Variants in MYO1B observed in about 807,000 individuals in gnomAD.
The protein encoded by MYO1B is myosin IB, also known as unconventional myosin-Ib.
A neutral mutation model predicts 159.7 loss-of-function variants in MYO1B; 72 were observed. That is an observed-to-expected ratio of 0.45 (90% CI 0.37 to 0.55). MYO1B has a LOEUF of 0.55. Among genes scored for constraint, MYO1B ranks in the 20% least tolerant of loss-of-function variants. The pLI, the probability that MYO1B is intolerant of heterozygous loss-of-function variation, is 0.00. For missense variants in MYO1B, 1,062 were observed against 1,364.8 expected, an observed-to-expected ratio of 0.78 and a Z score of 3.50; for synonymous variants, 468 against 473.8, an observed-to-expected ratio of 0.99 and a Z score of 0.16.
At chr2:191,391,194 C>T (rs1479218011) in intron 18 of MYO1B, among the ~76,000 whole-genome samples, 1 of 152,228 alleles carries the variant, frequency 6.6e-6, no homozygotes, top group Non-Finnish European at 1.5e-5. Flanking sequence ...GGCTGCTCCT[C>T]TGCAGGCTGA....
chr2:191,350,694 C>T (rs1692854892), intron 7 of MYO1B, among the ~76,000 whole-genome samples: 1 of 151,834 alleles, frequency 6.6e-6, no homozygotes, highest in South Asian at 2.1e-4. Flanking sequence ...TGCTTCTCTT[C>T]CAGTGTATTT....
At chr2:191,254,727 A>G (rs993715812) in intron 1 of MYO1B, among the ~76,000 whole-genome samples, 3 of 152,034 alleles carry the variant, frequency 2.0e-5, no homozygotes, top group African/African-American at 7.3e-5. Flanking sequence ...CCTGGCCTCA[A>G]TCAGTTCTCC....
chr2:191,344,227 A>G (rs769961146), intron 5 of MYO1B, among the ~76,000 whole-genome samples: 21 of 152,214 alleles, frequency 1.4e-4, no homozygotes, highest in Non-Finnish European at 2.6e-4. Flanking sequence ...AAGAAATGTC[A>G]TCGTCTTCAT....
intron 4 of MYO1B, among the ~76,000 whole-genome samples, chr2:191,340,765 G>C (rs1692169143): frequency 6.6e-6 from 1 of 150,900 alleles, no homozygotes; most frequent in Admixed American, 6.6e-5. Flanking sequence ...TTGCTCTGTT[G>C]CCAAGGCTGG....
chr2:191,371,772 T>C (rs6434467), intron 13 of MYO1B, among the ~76,000 whole-genome samples: 23,177 of 152,180 alleles, frequency 0.15, 4,588 homozygotes, highest in African/African-American at 0.46. Flanking sequence ...CCCTTGTCAT[T>C]ACTCCAAGCT....
At chr2:191,421,256 G>A (rs1697920113) in intron 30 of MYO1B, among the ~76,000 whole-genome samples, 1 of 151,812 alleles carries the variant, frequency 6.6e-6, no homozygotes, top group African/African-American at 2.4e-5. Context: ...TTTTAGTAAA[G>A]ACGAGGTTTC....
chr2:191,362,385 C>T lies in MYO1B; in HGVS notation c.765+14C>T, dbSNP rs769607684. The T allele has an allele frequency of 6.2e-7, 1 of 1,602,676 alleles. No individual in the cohort carries two copies. Among genetic ancestry groups the T allele is most frequent in the South Asian group, 1.1e-5 (1 of 90,410 alleles). ...AGAACCGTGCGGGTAAGATGTAGTA[C>T]TTTCATCAAGCTTTAAATTGCATAC... On this transcript the variant is annotated intron_variant, in intron 9 of 30. Coordinates refer to ENST00000392318, the MANE Select transcript of MYO1B (RefSeq NM_001130158.3).
chr2:191,326,770 ATGTGTGTGTGTGTGTGTGTGTGTGTG>A (rs35184577), intron 3 of MYO1B, among the ~76,000 whole-genome samples: 8 of 137,152 alleles, frequency 5.8e-5, no homozygotes, highest in African/African-American at 1.9e-4. Context: ...GTTTGTATAT[ATGTGTGTGTGTGTGTGTGTGTGTGTG>A]TGTGTGTGTG....
Position 191,424,237 on chromosome 2 carries a change from T to C in MYO1B, c.*277T>C. ...GTCATCATGTTAGGTCTGTGTACCC[T>C]AAATCAGCATATTACTCATAAATCA... On this transcript the variant is annotated 3_prime_UTR_variant, in exon 31 of 31. Coordinates refer to ENST00000392318, the MANE Select transcript of MYO1B (RefSeq NM_001130158.3). The C allele has an allele frequency of 2.7e-6, 1 of 377,270 alleles. No homozygotes were observed. The highest frequency in any genetic ancestry group is 4.8e-6 in the Non-Finnish European group (1 of 210,038). The allele number at this position is 377,270 out of a possible 1,614,324, so 23.4% of individuals were successfully genotyped here.
intron 3 of MYO1B, among the ~76,000 whole-genome samples, chr2:191,322,941 G>T (rs1232198937): frequency 6.6e-6 from 1 of 152,110 alleles, no homozygotes; most frequent in South Asian, 2.1e-4. Flanking sequence ...AGGGCTGCTG[G>T]TTAGCTTTTT....
chr2:191,407,192 T>C (rs1240846976), intron 24 of MYO1B, among the ~76,000 whole-genome samples: 1 of 152,224 alleles, frequency 6.6e-6, no homozygotes, highest in East Asian at 1.9e-4. Context: ...ACAGAACATT[T>C]ATCTGTAAAC....
chr2:191,424,095 G>C lies in MYO1B; in HGVS notation c.*135G>C. On this transcript the variant is annotated 3_prime_UTR_variant, in exon 31 of 31. Transcript: ENST00000392318. ...GTTCTTTGGCAAAATAAAAATATTT[G>C]ACTAATCAATTTTTATTATTGGAAT... 3 of 1,012,642 alleles carry C rather than the reference G, an allele frequency of 3.0e-6. No homozygotes were observed. Among genetic ancestry groups the C allele is most frequent in the Non-Finnish European group, 2.9e-6 (2 of 687,632 alleles). 62.7% of individuals were successfully genotyped at this position (1,012,642 alleles called of 1,614,324 possible).
rs556425923 is a variant in MYO1B at position 191,297,893 on chromosome 2, C to G, written c.251+1667C>G. Among the ~76,000 whole-genome samples, 18 of 152,288 alleles carry G rather than the reference C, an allele frequency of 1.2e-4. No individual in the cohort carries two copies. The South Asian group carries it at 3.5e-3, about 30-fold the overall frequency. The stretch of plus-strand genomic sequence containing the variant: ...GTCAGGGATGCTGCTAAGCACCCTT[C>G]AAAGCATATGCAGCCCTTCACAGTA... On this transcript the variant is annotated intron_variant, in intron 3 of 30. Coordinates refer to ENST00000392318, the MANE Select transcript of MYO1B (RefSeq NM_001130158.3).
intron 1 of MYO1B, among the ~76,000 whole-genome samples, chr2:191,271,576 A>G (rs552270606): frequency 6.6e-6 from 1 of 152,270 alleles, no homozygotes; most frequent in East Asian, 1.9e-4. Flanking sequence ...TAATATTCTT[A>G]TTAATCATTG....
Position 191,414,195 on chromosome 2 carries a change from C to T in MYO1B, c.3006+15C>T. On this transcript the variant is annotated intron_variant, in intron 28 of 30. Coordinates refer to ENST00000392318, the MANE Select transcript of MYO1B (RefSeq NM_001130158.3). The stretch of plus-strand genomic sequence containing the variant: ...CTAATGGGAAGGTAAAAATGCTAAC[C>T]TTGAAGACTGATAAGAAGTACCTAT... 6.2e-7 allele frequency: 1 copy of T among 1,604,442 alleles called. No homozygotes were observed. Among genetic ancestry groups the T allele is most frequent in the Non-Finnish European group, 8.5e-7 (1 of 1,176,876 alleles).
At chr2:191,353,186 T>C (rs957385070) in intron 7 of MYO1B, among the ~76,000 whole-genome samples, 1 of 152,192 alleles carries the variant, frequency 6.6e-6, no homozygotes, top group Admixed American at 6.5e-5. Flanking sequence ...TTTGTTTCAA[T>C]AGAGAAGATA....
At chr2:191,377,043 T>G (rs1574548874) in intron 13 of MYO1B, among the ~76,000 whole-genome samples, 1 of 152,114 alleles carries the variant, frequency 6.6e-6, no homozygotes, top group Non-Finnish European at 1.5e-5. Flanking sequence ...TTGTTGTTGT[T>G]TGTTTGTTTT....
At chr2:191,284,955 G>A (rs1293009352) in intron 2 of MYO1B, among the ~76,000 whole-genome samples, 1 of 152,086 alleles carries the variant, frequency 6.6e-6, no homozygotes, top group Non-Finnish European at 1.5e-5. Flanking sequence ...ATTTTCATTA[G>A]TTAGATTCTT....
Position 191,384,826 on chromosome 2 carries a change from T to C in MYO1B, c.1354-1058T>C, listed in dbSNP as rs114548141. 6.2e-3 allele frequency among the ~76,000 whole-genome samples: 943 copies of C among 152,326 alleles called. 9 individuals are homozygous for C. The highest frequency in any genetic ancestry group is 0.021 in the African/African-American group (893 of 41,582). On this transcript the variant is annotated intron_variant, in intron 15 of 30. Transcript: ENST00000392318. ...GCCAAAAATCCCCTTGCTATATGAT[T>C]GAAGAAGCTCATGTTCACATAGGAA...
Sources: gnomAD v4.1 joint callset for allele counts (sites outside exome capture counted in the v4.1 genomes callset) on GRCh38, gnomAD v4.1.1 for gene constraint, MANE v1.5 for transcripts, NCBI Gene and HGNC (gene_info 2026-07-23, HGNC 2026-07-21) for gene names.